Variants in HIVEP3 observed in about 807,000 individuals in gnomAD.
HIVEP3 encodes the protein transcription factor HIVEP3.
HIVEP3 carries 49 observed loss-of-function variants against 152.8 expected under a neutral mutation model. The observed-to-expected ratio is 0.32, with a 90% CI of 0.26 to 0.41. The LOEUF (loss-of-function observed/expected upper bound fraction) is 0.41. Ranked by LOEUF, HIVEP3 falls within the 10% of genes least tolerant of loss-of-function variation. HIVEP3 has a pLI of 1.00. For missense variants in HIVEP3, 2,790 were observed against 3,103.3 expected (o/e 0.90, Z 2.40); for synonymous variants, 1,269 against 1,289.0 (o/e 0.98, Z 0.33).
intron 2 of HIVEP3, among the ~76,000 whole-genome samples, chr1:41,696,648 C>T (rs1300537199): frequency 6.6e-6 from 1 of 152,210 alleles, no homozygotes; most frequent in African/African-American, 2.4e-5. Context: ...CAGCTGCTGC[C>T]TCTTGTTCCT....
At chr1:41,768,969 T>C (rs898446972) in intron 1 of HIVEP3, among the ~76,000 whole-genome samples, 1 of 151,920 alleles carries the variant, frequency 6.6e-6, no homozygotes, top group Non-Finnish European at 1.5e-5. Context: ...CAGAAAAGAG[T>C]GGCCTTGTGA....
At chr1:42,033,234 A>G (rs1416405067) in intron 1 of HIVEP3, among the ~76,000 whole-genome samples, 1 of 152,216 alleles carries the variant, frequency 6.6e-6, no homozygotes, top group African/African-American at 2.4e-5. Context: ...TGCCTCCTGC[A>G]AAGTGATGCC....
chr1:41,756,961 G>C (rs1327565450), intron 1 of HIVEP3, among the ~76,000 whole-genome samples: 3 of 151,974 alleles, frequency 2.0e-5, no homozygotes, highest in Non-Finnish European at 4.4e-5. Context: ...GCAATGGTTG[G>C]CTGGGGTCAG....
intron 5 of HIVEP3, among the ~76,000 whole-genome samples, chr1:41,550,498 C>T (rs576678618): frequency 6.6e-6 from 1 of 152,292 alleles, no homozygotes; most frequent in South Asian, 2.1e-4. Context: ...TCTTCCTATC[C>T]ATGAGCATGA....
At chr1:41,846,873 G>A (rs547923806) in intron 1 of HIVEP3, among the ~76,000 whole-genome samples, 1 of 152,298 alleles carries the variant, frequency 6.6e-6, no homozygotes, top group East Asian at 1.9e-4. Context: ...CATCCAATGA[G>A]CACTCATGGG....
chr1:41,676,530 C>T, intron 2 of HIVEP3, among the ~76,000 whole-genome samples: 1 of 152,206 alleles, frequency 6.6e-6, no homozygotes, highest in East Asian at 1.9e-4. Context: ...GTTTCCCTAT[C>T]TGTAAGATTT....
chr1:42,015,127 A>C (rs1645514695), intron 1 of HIVEP3, among the ~76,000 whole-genome samples: 1 of 152,184 alleles, frequency 6.6e-6, no homozygotes, highest in South Asian at 2.1e-4. Flanking sequence ...CAACATCAAA[A>C]TCCAACCAGC....
intron 5 of HIVEP3, among the ~76,000 whole-genome samples, chr1:41,534,824 A>T (rs1643358412): frequency 6.6e-6 from 1 of 152,196 alleles, no homozygotes; most frequent in South Asian, 2.1e-4. Flanking sequence ...AGTGCCTCAG[A>T]ACCTTGATGG....
chr1:41,536,420 T>A (rs1643402686), intron 5 of HIVEP3, among the ~76,000 whole-genome samples: 1 of 152,288 alleles, frequency 6.6e-6, no homozygotes, highest in Non-Finnish European at 1.5e-5. Context: ...TATATTTAGT[T>A]CACTTGGATA....
rs1007393294 is a variant in HIVEP3 at position 41,896,581 on chromosome 1, T to C, written c.-801+21832A>G. Among the ~76,000 whole-genome samples, 142 of 151,068 alleles carry C rather than the reference T, an allele frequency of 9.4e-4. 2 individuals carry two copies. Among genetic ancestry groups the C allele is most frequent in the Non-Finnish European group, 2.1e-4 (14 of 67,664 alleles). On this transcript the variant is annotated intron_variant, in intron 1 of 8. Coordinates refer to ENST00000372583, the MANE Select transcript of HIVEP3 (RefSeq NM_024503.5). The stretch of plus-strand genomic sequence containing the variant: ...CATGCTTTTTACTTTTCTTTTCTTT[T>C]TTTTTTTTTTTGAGACGGAGTGTCA...
intron 1 of HIVEP3, among the ~76,000 whole-genome samples, chr1:41,987,941 T>G (rs1645333833): frequency 2.0e-5 from 3 of 152,132 alleles, no homozygotes; most frequent in Admixed American, 1.3e-4. Context: ...CTCACTATCA[T>G]GAGAACAGTA....
intron 1 of HIVEP3, among the ~76,000 whole-genome samples, chr1:41,963,438 C>G (rs999683904): frequency 6.6e-6 from 1 of 150,476 alleles, no homozygotes; most frequent in African/African-American, 2.5e-5. Context: ...GACATGAACT[C>G]ATCATTTTTC....
intron 1 of HIVEP3, among the ~76,000 whole-genome samples, chr1:41,720,891 T>C (rs899457858): frequency 2.0e-5 from 3 of 152,200 alleles, no homozygotes; most frequent in African/African-American, 7.2e-5. Flanking sequence ...TCCTGCAATA[T>C]GTGACAGCAT....
intron 1 of HIVEP3, among the ~76,000 whole-genome samples, chr1:41,808,338 T>C (rs952753025): frequency 2.6e-5 from 4 of 152,242 alleles, no homozygotes; most frequent in African/African-American, 9.6e-5. Context: ...TCCTCTCCAC[T>C]AGGCTGCAGG....
chr1:41,663,794 C>T (rs1034829025), intron 2 of HIVEP3, among the ~76,000 whole-genome samples: 1 of 152,146 alleles, frequency 6.6e-6, no homozygotes, highest in African/African-American at 2.4e-5. Flanking sequence ...CGATTGCAAA[C>T]CCACTGACCA....
chr1:41,512,537 A>T (rs1642457266), intron 8 of HIVEP3, among the ~76,000 whole-genome samples: 1 of 152,238 alleles, frequency 6.6e-6, no homozygotes, highest in Non-Finnish European at 1.5e-5. Context: ...ATAGCAATAC[A>T]AGAACGGACT....
intron 5 of HIVEP3, among the ~76,000 whole-genome samples, chr1:41,532,769 T>A (rs1372581136): frequency 6.6e-6 from 1 of 152,094 alleles, no homozygotes; most frequent in Non-Finnish European, 1.5e-5. Flanking sequence ...GCATTGAGTA[T>A]GAGATGCCCA....
At chr1:41,579,664 A>C in intron 4 of HIVEP3, 73 bp downstream of exon 4, 1 of 1,499,164 alleles carries the variant, frequency 6.7e-7, no homozygotes, top group Non-Finnish European at 8.9e-7. Context: ...GAACCTGAGG[A>C]TACTGTGGCT....
chr1:41,821,074 C>T (rs577147653), intron 1 of HIVEP3, among the ~76,000 whole-genome samples: 2 of 152,236 alleles, frequency 1.3e-5, no homozygotes, highest in Non-Finnish European at 2.9e-5. Flanking sequence ...GGGGCTGGAG[C>T]CCAGAGAAGG....
Sources: allele counts gnomAD v4.1 joint callset (sites outside exome capture counted in the v4.1 genomes callset), GRCh38; gene constraint gnomAD v4.1.1; transcripts MANE v1.5; gene names NCBI Gene and HGNC (gene_info 2026-07-23, HGNC 2026-07-21).